The following ERCC3 variants were observed in gnomAD, a reference collection of about 807,000 sequenced individuals.
The protein encoded by ERCC3 is general transcription and DNA repair factor IIH helicase/translocase subunit XPB.
ERCC3 carries 66 observed loss-of-function variants against 94.2 expected under a neutral mutation model. The ratio of observed to expected loss-of-function variants is 0.70; its 90% CI spans 0.57 to 0.86. The LOEUF (loss-of-function observed/expected upper bound fraction) is 0.86. Among genes scored for constraint, ERCC3 ranks in the 40% least tolerant of loss-of-function variants. ERCC3 has a pLI of 0.00. For missense variants in ERCC3, 829 were observed against 987.1 expected, an observed-to-expected ratio of 0.84 and a Z score of 2.15; for synonymous variants, 349 against 369.1, an observed-to-expected ratio of 0.95 and a Z score of 0.63.
rs1048824213 is a variant in ERCC3 at position 127,257,403 on chromosome 2, T to G, written c.*193A>C. ...ACTCCCCAAAAAGTTTGAAAAAATA[T>G]TGTCTCCTCCTCCTTTATAAAACCC... On this transcript the variant is annotated 3_prime_UTR_variant, in exon 15 of 15. Coordinates refer to ENST00000285398, the MANE Select transcript of ERCC3 (RefSeq NM_000122.2). This position sits in a 1 kb window ranked among gnomAD's most constrained non-coding sequence, Gnocchi z 5.4. 4 of 692,966 alleles carry G rather than the reference T, an allele frequency of 5.8e-6. No homozygotes were observed. In the African/African-American group the frequency reaches 7.2e-5, roughly 12 times the overall value. 42.9% of individuals were successfully genotyped at this position (692,966 alleles called of 1,614,324 possible).
intron 12 of ERCC3, among the ~76,000 whole-genome samples, chr2:127,269,752 T>C (rs542569150): frequency 6.7e-6 from 1 of 149,494 alleles, no homozygotes; most frequent in African/African-American, 2.4e-5. Flanking sequence ...TTTTTAAGGC[T>C]AGGCACAGTG....
intron 4 of ERCC3, 196 bp from the exon 5 acceptor site, chr2:127,290,020 C>G: frequency 1.3e-6 from 1 of 783,250 alleles, no homozygotes; most frequent in African/African-American, 1.7e-5. Flanking sequence ...TAGGCAGGGG[C>G]CTGAGCCCAG....
At chr2:127,290,350 C>A (rs1299812428) in intron 3 of ERCC3, 77 bp from the exon 4 acceptor site, 2 of 1,186,650 alleles carry the variant, frequency 1.7e-6, no homozygotes, top group Non-Finnish European at 2.5e-6. Flanking sequence ...ACATCTTACA[C>A]CTACCAACCA....
intron 7 of ERCC3, 138 bp downstream of exon 7, chr2:127,288,522 G>T: frequency 1.2e-6 from 1 of 820,380 alleles, no homozygotes; most frequent in Non-Finnish European, 2.2e-6. Flanking sequence ...TATTTGTCAA[G>T]TCATGAATCA....
At position 127,279,245 on chromosome 2, in the gene ERCC3, C is replaced by CT; in HGVS notation, c.1657dup (p.Arg553LysfsTer4). 2 of 1,613,780 alleles carry CT rather than the reference C, an allele frequency of 1.2e-6. No homozygotes were observed. The highest frequency in any genetic ancestry group is 2.2e-5 in the South Asian group (2 of 91,072). ...AAAGACAATAATCTTGTCATTCCTC[C>CT]TTTCATGAAACTTGATCAGAAACTG... On this transcript the variant is annotated frameshift_variant, in exon 10 of 15. Coordinates refer to ENST00000285398, the MANE Select transcript of ERCC3 (RefSeq NM_000122.2). LOFTEE classifies it high-confidence loss of function. The surrounding 1 kb of genome is among the most constrained non-coding windows in gnomAD (Gnocchi z 4.7).
chr2:127,292,970 C>G, intron 2 of ERCC3, 124 bp from the exon 3 acceptor site: 1 of 713,574 alleles, frequency 1.4e-6, no homozygotes. Context: ...CTTGCAAGCA[C>G]TCCTTCAGAC....
At chr2:127,260,010 G>A (rs546024482) in intron 13 of ERCC3, 104 of 167,768 alleles carry the variant, frequency 6.2e-4, no homozygotes, top group Non-Finnish European at 1.1e-3. Flanking sequence ...TTACTACAAG[G>A]GCTCCCTATC....
At chr2:127,260,150 C>T (rs4150517) in intron 13 of ERCC3, 2 of 155,322 alleles carry the variant, frequency 1.3e-5, no homozygotes, top group Non-Finnish European at 2.9e-5. Context: ...AGAGTACAGA[C>T]GATGTGCACA....
chr2:127,292,935 T>C, intron 2 of ERCC3, 89 bp from the exon 3 acceptor site: 1 of 838,728 alleles, frequency 1.2e-6, no homozygotes, highest in African/African-American at 1.7e-5. Context: ...CAAGAAAGAA[T>C]AAGCTGCCCA....
intron 12 of ERCC3, among the ~76,000 whole-genome samples, chr2:127,266,712 T>A (rs1047833424): frequency 4.1e-4 from 51 of 125,416 alleles, no homozygotes; most frequent in African/African-American, 1.1e-3. Context: ...ATCAATTATT[T>A]TTTTTTTTTT....
Position 127,257,661 on chromosome 2 carries a change from GGTACTCCAT to G in ERCC3, c.2275_2283del (p.Met759_Tyr761del). ...CTGGGCGCCTTGCTCCGCGATGAGT[GGTACTCCAT>G]GTACACAGTGTCGTCGGCCCCAGAC... On this transcript the variant is annotated inframe_deletion, in exon 15 of 15. Transcript: ENST00000285398. This position sits in a 1 kb window ranked among gnomAD's most constrained non-coding sequence, Gnocchi z 5.4. 6.2e-7 allele frequency: 1 copy of G among 1,614,120 alleles called. No individual in the cohort carries two copies. Among genetic ancestry groups the G allele is most frequent in the South Asian group, 1.1e-5 (1 of 91,078 alleles).
In ERCC3 at chr2:127,269,903, C is replaced by T. The variant is rs138383679; in HGVS notation, c.1945+1433G>A. Among the ~76,000 whole-genome samples the T allele has an allele frequency of 7.3e-3, 1,107 of 152,030 alleles. 7 individuals are homozygous for T. The highest frequency in any genetic ancestry group is 0.02 in the Middle Eastern group (6 of 294). On this transcript the variant is annotated intron_variant, in intron 12 of 14. Coordinates refer to ENST00000285398, the MANE Select transcript of ERCC3 (RefSeq NM_000122.2). Reference sequence around the variant, plus strand: ...GACGTGGTGGTGCACGCCTGTAGTCCGGGTACTCGGGAGGCTGAGGCAGGT... The same window carrying T: ...GACGTGGTGGTGCACGCCTGTAGTCTGGGTACTCGGGAGGCTGAGGCAGGT...
intron 7 of ERCC3, 121 bp from the exon 8 acceptor site, chr2:127,287,138 A>G: frequency 1.4e-6 from 1 of 740,324 alleles, no homozygotes; most frequent in Non-Finnish European, 2.3e-6. Flanking sequence ...CACATAGCTG[A>G]CATCTGAGCG....
chr2:127,293,469 C>T, intron 2 of ERCC3, 44 bp downstream of exon 2: 2 of 1,569,740 alleles, frequency 1.3e-6, no homozygotes, highest in East Asian at 2.2e-5. Context: ...TTAGCTGCCG[C>T]TCCGCACACT....
intron 8 of ERCC3, 143 bp downstream of exon 8, chr2:127,286,559 AG>A: frequency 2.7e-6 from 2 of 740,006 alleles, no homozygotes; most frequent in South Asian, 1.6e-5. Flanking sequence ...AAAAAAAAAA[AG>A]AACTATTAAA....
intron 3 of ERCC3, 160 bp downstream of exon 3, chr2:127,292,450 G>C: frequency 1.3e-6 from 1 of 748,552 alleles, no homozygotes; most frequent in South Asian, 1.4e-5. Context: ...CACAATGCTG[G>C]ATCCAGAGTG....
chr2:127,276,264 C>T (rs1362094903), intron 10 of ERCC3, among the ~76,000 whole-genome samples: 1 of 152,138 alleles, frequency 6.6e-6, no homozygotes, highest in Non-Finnish European at 1.5e-5. Context: ...AATAGCCAGG[C>T]CCTGCCCAGC....
Position 127,257,773 on chromosome 2 carries a change from G to C in ERCC3, c.2218-46C>G. ...GCCCATGTTAGTCTCCAGAAGAAAA[G>C]ATACTCCTTTTATAATACTTATAAT... On this transcript the variant is annotated intron_variant, in intron 14 of 14. Coordinates refer to ENST00000285398, the MANE Select transcript of ERCC3 (RefSeq NM_000122.2). This position sits in a 1 kb window ranked among gnomAD's most constrained non-coding sequence, Gnocchi z 5.4. The C allele has an allele frequency of 2.5e-6, 4 of 1,610,624 alleles. No homozygotes were observed. The South Asian group carries it at 4.4e-5, about 18-fold the overall frequency.
rs890806884 is a variant in ERCC3 at position 127,257,785 on chromosome 2, A to G, written c.2218-58T>C. ...CTCCAGAAGAAAAGATACTCCTTTT[A>G]TAATACTTATAATCACAGCAAATTT... On this transcript the variant is annotated intron_variant, in intron 14 of 14. Transcript: ENST00000285398. This position sits in a 1 kb window ranked among gnomAD's most constrained non-coding sequence, Gnocchi z 5.4. The G allele has an allele frequency of 1.6e-5, 25 of 1,582,452 alleles. No individual in the cohort carries two copies. Among genetic ancestry groups the G allele is most frequent in the Non-Finnish European group, 2.1e-5 (24 of 1,152,506 alleles).
Sources: allele counts gnomAD v4.1 joint callset (sites outside exome capture counted in the v4.1 genomes callset), GRCh38; gene constraint gnomAD v4.1.1; non-coding constraint Gnocchi (gnomAD v3.1); transcripts MANE v1.5; gene names NCBI Gene and HGNC (gene_info 2026-07-23, HGNC 2026-07-21).